CCDC141: variants seen among roughly 807,000 people sequenced by gnomAD.
CCDC141 encodes coiled-coil domain containing 141, also known as coiled-coil domain-containing protein 141.
In CCDC141, 168 loss-of-function variants were observed where a neutral mutation model predicts 181.0. The observed-to-expected ratio is 0.93, with a 90% CI of 0.82 to 1.05. CCDC141 has a LOEUF of 1.05. Ranked by LOEUF, CCDC141 falls within the 50% of genes least tolerant of loss-of-function variation. The pLI is 0.00. For synonymous variants in CCDC141, 666 were observed against 642.3 expected (o/e 1.04, Z -0.56); for missense variants, 1,902 against 1,788.5 (o/e 1.06, Z -1.14).
the CCDC141 span, among the ~76,000 whole-genome samples, chr2:178,824,089 C>T: frequency 2.6e-5 from 4 of 151,640 alleles, no homozygotes; most frequent in Admixed American, 1.3e-4. Context: ...CACACACACA[C>T]GTATAGCAAA....
At chr2:178,901,095 G>T (rs556529372) in intron 8 of CCDC141, among the ~76,000 whole-genome samples, 1 of 152,210 alleles carries the variant, frequency 6.6e-6, no homozygotes, top group South Asian at 2.1e-4. Flanking sequence ...CAGATAGGAA[G>T]GAGTAACCCA....
chr2:178,974,940 A>G (rs1244763056), intron 4 of CCDC141, 117 bp downstream of exon 4: 2 of 487,082 alleles, frequency 4.1e-6, no homozygotes, highest in African/African-American at 1.9e-5. Flanking sequence ...TTCTTGGAAC[A>G]AGCTGAGGTA....
chr2:179,004,523 A>G (rs1000485166), intron 2 of CCDC141, among the ~76,000 whole-genome samples: 1 of 152,190 alleles, frequency 6.6e-6, no homozygotes, highest in African/African-American at 2.4e-5. Context: ...ATTTGAATTA[A>G]TAAATACTTT....
At chr2:178,928,048 G>C (rs961508727) in intron 6 of CCDC141, among the ~76,000 whole-genome samples, 14 of 152,178 alleles carry the variant, frequency 9.2e-5, no homozygotes, top group African/African-American at 3.4e-4. Context: ...ACTGGTAACA[G>C]ATAAATTACA....
intron 2 of CCDC141, among the ~76,000 whole-genome samples, chr2:178,996,675 A>G (rs1032348356): frequency 6.6e-6 from 1 of 152,192 alleles, no homozygotes; most frequent in East Asian, 1.9e-4. Flanking sequence ...CAACTTAGCT[A>G]TGATTATGGC....
chr2:178,992,899 C>A (rs184909342), intron 2 of CCDC141, among the ~76,000 whole-genome samples: 1 of 152,164 alleles, frequency 6.6e-6, no homozygotes, highest in East Asian at 1.9e-4. Context: ...CCCTTTTTGT[C>A]GGCACTTCTC....
Position 179,015,556 on chromosome 2 carries a change from C to A in CCDC141, c.225+31728G>T, listed in dbSNP as rs200168552. Reference sequence around the variant, plus strand: ...TATATATGATATATATATCTCATATCTCATATATATCTCATATATCTCATA... The same window carrying A: ...TATATATGATATATATATCTCATATATCATATATATCTCATATATCTCATA... On this transcript the variant is annotated intron_variant, in intron 2 of 23. Transcript: ENST00000443758. 5.7e-4 allele frequency among the ~76,000 whole-genome samples: 6 copies of A among 10,470 alleles called. 1 individual carries two copies. The highest frequency in any genetic ancestry group is 7.8e-4 in the Non-Finnish European group (3 of 3,854). The allele number at this position is 10,470 out of a possible 152,430, so 6.9% of individuals were successfully genotyped here.
chr2:178,893,805 ACACACACACACACACACG>A (rs1687270584), intron 8 of CCDC141, among the ~76,000 whole-genome samples: 1 of 137,224 alleles, frequency 7.3e-6, no homozygotes, highest in African/African-American at 2.8e-5. Context: ...TCTCTCACAC[ACACACACACACACACACG>A]CACACACACA....
chr2:179,034,145 A>G (rs1231008233), intron 2 of CCDC141, among the ~76,000 whole-genome samples: 2 of 152,336 alleles, frequency 1.3e-5, no homozygotes, highest in South Asian at 4.1e-4. Flanking sequence ...TATAAACACC[A>G]TGGAATACTA....
intron 2 of CCDC141, among the ~76,000 whole-genome samples, chr2:179,033,657 T>C (rs1210899311): frequency 6.6e-6 from 1 of 152,208 alleles, no homozygotes; most frequent in African/African-American, 2.4e-5. Flanking sequence ...GTCCTGTCTG[T>C]CTAAATCTCA....
At chr2:178,992,135 T>C (rs937243552) in intron 2 of CCDC141, among the ~76,000 whole-genome samples, 1 of 151,988 alleles carries the variant, frequency 6.6e-6, no homozygotes, top group African/African-American at 2.4e-5. Context: ...CTACTATATA[T>C]AAACCTGCTA....
intron 8 of CCDC141, 135 bp downstream of exon 8, chr2:178,905,194 T>C (rs1260331078): frequency 2.6e-6 from 2 of 782,312 alleles, no homozygotes; most frequent in Non-Finnish European, 3.9e-6. Flanking sequence ...CAAACTTCAA[T>C]AGATCCTTTT....
chr2:178,848,030 G>C (rs572459535), intron 21 of CCDC141, among the ~76,000 whole-genome samples: 1 of 152,320 alleles, frequency 6.6e-6, no homozygotes, highest in African/African-American at 2.4e-5. Flanking sequence ...CTTGTCTATG[G>C]CATTTGGCAT....
chr2:178,838,471 C>T (rs1285160650), intron 22 of CCDC141, among the ~76,000 whole-genome samples: 2 of 152,202 alleles, frequency 1.3e-5, no homozygotes, highest in African/African-American at 2.4e-5. Context: ...CATTTGACCC[C>T]TCTATGTACC....
At chr2:178,989,417 A>G (rs562247362) in intron 2 of CCDC141, among the ~76,000 whole-genome samples, 550 of 151,804 alleles carry the variant, frequency 3.6e-3, no homozygotes, top group Middle Eastern at 0.02. Flanking sequence ...AACATGTTGA[A>G]ACTCCATCTC....
intron 2 of CCDC141, among the ~76,000 whole-genome samples, chr2:178,997,760 T>C (rs1045523340): frequency 6.6e-6 from 1 of 152,210 alleles, no homozygotes; most frequent in African/African-American, 2.4e-5. Flanking sequence ...CTTCTCTCTC[T>C]CACTTCCTGT....
At chr2:178,863,685 G>A (rs939277636) in intron 17 of CCDC141, among the ~76,000 whole-genome samples, 6 of 152,196 alleles carry the variant, frequency 3.9e-5, no homozygotes, top group Admixed American at 1.3e-4. Context: ...GTGTGCACAC[G>A]CACTACATGT....
At chr2:178,982,141 T>C (rs1691445092) in intron 2 of CCDC141, among the ~76,000 whole-genome samples, 1 of 152,010 alleles carries the variant, frequency 6.6e-6, no homozygotes, top group Non-Finnish European at 1.5e-5. Flanking sequence ...AAAAATTAAA[T>C]CAATAATTAA....
intron 5 of CCDC141, among the ~76,000 whole-genome samples, chr2:178,949,834 C>T (rs960796556): frequency 5.3e-5 from 8 of 152,100 alleles, no homozygotes; most frequent in East Asian, 3.9e-4. Flanking sequence ...GTCATGCAAG[C>T]GGTAGAAAAT....
Sources: allele counts gnomAD v4.1 joint callset (sites outside exome capture counted in the v4.1 genomes callset), GRCh38; gene constraint gnomAD v4.1.1; transcripts MANE v1.5; gene names NCBI Gene and HGNC (gene_info 2026-07-23, HGNC 2026-07-21).